The following CDON variants were observed in gnomAD, a reference collection of about 807,000 sequenced individuals.
CDON encodes the protein cell adhesion associated, oncogene regulated.
Under a neutral mutation model 120.9 loss-of-function variants are expected in CDON, and 73 were observed. The ratio of observed to expected loss-of-function variants is 0.60; its 90% CI spans 0.50 to 0.73. CDON has a LOEUF of 0.73. Among genes scored for constraint, CDON ranks in the 30% least tolerant of loss-of-function variants. The pLI, the probability that CDON is intolerant of heterozygous loss-of-function variation, is 0.00. For missense variants in CDON, 1,470 were observed against 1,587.3 expected (o/e 0.93, Z 1.26); for synonymous variants, 566 against 573.5 (o/e 0.99, Z 0.19).
intron 10 of CDON, among the ~76,000 whole-genome samples, chr11:126,003,347 C>G (rs1450282204): frequency 6.6e-6 from 1 of 152,096 alleles, no homozygotes; most frequent in Non-Finnish European, 1.5e-5. Flanking sequence ...TCATTTTGAC[C>G]ATCTTCATTT....
chr11:126,013,238 A>G (rs971429996), intron 7 of CDON, among the ~76,000 whole-genome samples: 4 of 152,174 alleles, frequency 2.6e-5, no homozygotes, highest in African/African-American at 7.2e-5. Flanking sequence ...GCTTGCTGAT[A>G]TATTATTTAG....
chr11:125,974,020 G>A (rs7951209), intron 18 of CDON, among the ~76,000 whole-genome samples: 10 of 151,516 alleles, frequency 6.6e-5, no homozygotes, highest in East Asian at 5.9e-4. Flanking sequence ...TTCATCCTCC[G>A]GTGTAGCTGG....
chr11:126,061,230 A>C (rs561670753), intron 1 of CDON, among the ~76,000 whole-genome samples: 12 of 152,204 alleles, frequency 7.9e-5, no homozygotes, highest in Admixed American at 6.5e-5. Context: ...ACAAAATGAA[A>C]CAGGTTTTCT....
upstream of CDON, chr11:126,063,183 G>A (rs957262062): frequency 6.6e-6 from 1 of 151,298 alleles, no homozygotes; most frequent in East Asian, 2.0e-4. Context: ...GCATAGAAGA[G>A]GCTTTTCTTG....
At chr11:125,971,190 T>C (rs7925846) in intron 18 of CDON, among the ~76,000 whole-genome samples, 8,196 of 152,176 alleles carry the variant, frequency 0.054, 316 homozygotes, top group Admixed American at 0.092. Context: ...AAGACCATCC[T>C]GGCTAACACA....
Position 125,994,354 on chromosome 11 carries a change from T to C in CDON, c.2580A>G (p.Gln860=). Residue 860 remains glutamine, a synonymous_variant, in exon 14 of 20, where the codon CAA becomes CAG. Transcript: ENST00000531738. The stretch of plus-strand genomic sequence containing the variant: ...TTGGTCGGTAATAGATATAAAATCC[T>C]TGAATGGGAGTGTTATTGTTACTTG... ...IPSSNNNTPI[Q]GFYIYYRPTD... 1 of 1,593,686 alleles carries C rather than the reference T, an allele frequency of 6.3e-7. No homozygotes were observed. The highest frequency in any genetic ancestry group is 8.6e-7 in the Non-Finnish European group (1 of 1,161,504).
chr11:125,981,437 C>CAT, intron 16 of CDON, 108 bp from the exon 17 acceptor site: 1 of 1,076,790 alleles, frequency 9.3e-7, no homozygotes, highest in Non-Finnish European at 1.3e-6. Flanking sequence ...CACGCACACA[C>CAT]GCACACAGTA....
At chr11:125,994,246 G>T in intron 14 of CDON, 38 bp downstream of exon 14, 1 of 1,025,984 alleles carries the variant, frequency 9.7e-7, no homozygotes. Flanking sequence ...TTTCTCCAAA[G>T]CGCCTTTACA....
chr11:125,994,235 C>G, intron 14 of CDON, 49 bp downstream of exon 14: 1 of 940,126 alleles, frequency 1.1e-6, no homozygotes, highest in Non-Finnish European at 1.8e-6. Flanking sequence ...CATAAACCTT[C>G]TTTCTCCAAA....
chr11:126,004,114 A>G (rs1947045456), intron 9 of CDON, 38 bp from the exon 10 acceptor site: 1 of 1,599,428 alleles, frequency 6.3e-7, no homozygotes, highest in Non-Finnish European at 8.6e-7. Context: ...GAAAAGCAGG[A>G]GATGGAGGAT....
Position 126,010,541 on chromosome 11 carries a change from T to C in CDON, c.1352A>G (p.Gln451Arg). 6.2e-7 allele frequency: 1 copy of C among 1,614,110 alleles called. No individual in the cohort carries two copies. The highest frequency in any genetic ancestry group is 1.3e-5 in the African/African-American group (1 of 75,032). The change falls in exon 8 of 20, where the codon CAA (glutamine) becomes CGA (arginine). Residue 451 changes from glutamine (Q) to arginine (R), a missense_variant. Physicochemically the swap from Gln to Arg is conservative, Grantham distance 43 (BLOSUM62 1). Coordinates refer to ENST00000531738, the MANE Select transcript of CDON (RefSeq NM_001378964.1). ...SHGLITSHPSQVLRSKSRKSQ... is the reference protein window; with the variant it reads ...SHGLITSHPSRVLRSKSRKSQ... ...TTTTCGGGATTTCGATCTCAGGACT[T>C]GAGATGGATGGCTGGTTATCAATCC...
At chr11:126,060,553 G>C (rs898145721) in intron 1 of CDON, among the ~76,000 whole-genome samples, 1 of 133,572 alleles carries the variant, frequency 7.5e-6, no homozygotes, top group Middle Eastern at 4.7e-3. Context: ...CTAAACGTTC[G>C]TGGAAAAAAA....
chr11:126,056,426 G>A (rs924581775), intron 1 of CDON, among the ~76,000 whole-genome samples: 111 of 152,174 alleles, frequency 7.3e-4, no homozygotes, highest in Admixed American at 5.9e-4. Flanking sequence ...GGCTGTATGT[G>A]AAGAATGACC....
chr11:126,034,502 A>G lies in CDON; in HGVS notation c.-61-10965T>C, dbSNP rs1420933630. 6.6e-6 allele frequency among the ~76,000 whole-genome samples: 1 copy of G among 152,064 alleles called. No homozygotes were observed. On this transcript the variant is annotated intron_variant, in intron 1 of 19. Coordinates refer to ENST00000531738, the MANE Select transcript of CDON (RefSeq NM_001378964.1). This position sits in a 1 kb window ranked among gnomAD's most constrained non-coding sequence, Gnocchi z 4.5. ...ATTACACCAAAGGAGAGGGGGCAAA[A>G]GCTCAGTTAGGTTCTATTCACAATA...
At chr11:126,045,409 A>C (rs1171006462) in intron 1 of CDON, among the ~76,000 whole-genome samples, 1 of 152,198 alleles carries the variant, frequency 6.6e-6, no homozygotes, top group Non-Finnish European at 1.5e-5. Flanking sequence ...TTAATATCAA[A>C]AGAATCAAAA....
chr11:125,990,233 C>T (rs1946597354), intron 14 of CDON, among the ~76,000 whole-genome samples: 1 of 152,166 alleles, frequency 6.6e-6, no homozygotes, highest in Admixed American at 6.5e-5. Flanking sequence ...GCTCCCAATT[C>T]CACTGTCATG....
In CDON at chr11:126,019,357, C is replaced by T. The variant is rs142803433; in HGVS notation, c.496+262G>A. ...AACGAAATAAAGGGGCCAGAGAGCACCAGGCATATTATTTTAGATAGGACC... is the reference window on the plus strand; with the variant it reads ...AACGAAATAAAGGGGCCAGAGAGCATCAGGCATATTATTTTAGATAGGACC... On this transcript the variant is annotated intron_variant, in intron 4 of 19. Coordinates refer to ENST00000531738, the MANE Select transcript of CDON (RefSeq NM_001378964.1). Among the ~76,000 whole-genome samples the T allele has an allele frequency of 2.8e-3, 421 of 152,162 alleles. 10 individuals carry two copies. Among genetic ancestry groups the T allele is most frequent in the Non-Finnish European group, 4.7e-4 (32 of 67,990 alleles).
chr11:125,962,081 G>T, intron 18 of CDON, 83 bp from the exon 19 acceptor site: 1 of 1,048,688 alleles, frequency 9.5e-7, no homozygotes, highest in Non-Finnish European at 1.5e-6. Flanking sequence ...ATATCATTTG[G>T]TATTCTGTAT....
rs188010014 is a variant in CDON, at chr11:126,034,817, G to A, written c.-61-11280C>T. Among the ~76,000 whole-genome samples the A allele has an allele frequency of 4.6e-4, 70 of 152,322 alleles. No homozygotes were observed. Among genetic ancestry groups the A allele is most frequent in the African/African-American group, 1.7e-3 (69 of 41,576 alleles). On this transcript the variant is annotated intron_variant, in intron 1 of 19. Coordinates refer to ENST00000531738, the MANE Select transcript of CDON (RefSeq NM_001378964.1). The surrounding 1 kb of genome is among the most constrained non-coding windows in gnomAD (Gnocchi z 4.5). ...AACACTTCCACAAATCCAGCACTTG[G>A]TAGCTTTTCAAGTTTGTCACTGGAA... is the stretch of plus-strand genomic sequence containing the variant.
Sources: allele counts gnomAD v4.1 joint callset (sites outside exome capture counted in the v4.1 genomes callset), GRCh38; gene constraint gnomAD v4.1.1; non-coding constraint Gnocchi (gnomAD v3.1); transcripts MANE v1.5; gene names NCBI Gene and HGNC (gene_info 2026-07-23, HGNC 2026-07-21).